The following FAM168B variants were observed in gnomAD, a reference collection of about 807,000 sequenced individuals.
FAM168B encodes the protein family with sequence similarity 168 member B, also known as myelin-associated neurite-outgrowth inhibitor.
Under a neutral mutation model 21.8 loss-of-function variants are expected in FAM168B, and 19 were observed. The ratio of observed to expected loss-of-function variants is 0.87; its 90% CI spans 0.61 to 1.28. The LOEUF (loss-of-function observed/expected upper bound fraction) is 1.28. FAM168B is among the 50% of genes most tolerant of loss of function. The pLI, the probability that FAM168B is intolerant of heterozygous loss-of-function variation, is 0.00. For synonymous variants in FAM168B, 126 were observed against 104.8 expected, an observed-to-expected ratio of 1.20 and a Z score of -1.24; for missense variants, 233 against 263.1, an observed-to-expected ratio of 0.89 and a Z score of 0.79.
rs754426508 is a variant in FAM168B, at chr2:131,052,954, C to T, written c.537G>A (p.Thr179=). The change falls in exon 6 of 7, where the codon ACG becomes ACA. Residue 179 remains threonine (T), a synonymous_variant. Transcript: ENST00000389915. The part of the protein sequence containing the change: ...PVAPHPVTVP[T]YRAPGTPTYS... ...AAGTGGGCGTTCCTGGGGCCCGGTA[C>T]GTGGGCACAGTGACCGGGTGGGGGG... The T allele has an allele frequency of 1.5e-5, 23 of 1,563,332 alleles. No individual in the cohort carries two copies. The highest frequency in any genetic ancestry group is 2.7e-5 in the African/African-American group (2 of 73,694).
intron 1 of FAM168B, among the ~76,000 whole-genome samples, chr2:131,087,063 C>CAAAAAAAAAAAA (rs70994735): frequency 2.5e-5 from 1 of 40,672 alleles, no homozygotes; most frequent in African/African-American, 2.7e-4. Flanking sequence ...GACTCCGTCT[C>CAAAAAAAAAAAA]AAAAAAAAAA....
At chr2:131,070,007 C>T (rs567477752) in intron 3 of FAM168B, among the ~76,000 whole-genome samples, 8 of 151,710 alleles carry the variant, frequency 5.3e-5, no homozygotes, top group Non-Finnish European at 8.8e-5. Context: ...TACCGGAGTG[C>T]GCCTCCAAGC....
chr2:131,048,362 A>G lies in FAM168B; in HGVS notation c.*4103T>C. On this transcript the variant is annotated 3_prime_UTR_variant, in exon 7 of 7. Coordinates refer to ENST00000389915, the MANE Select transcript of FAM168B (RefSeq NM_001009993.4). ...GCACAGCCTGTGGTGAGGAGGAGAC[A>G]CCTGTCATGCCAGTCCTGGGAGCAC... 1 of 1,295,060 alleles carries G rather than the reference A, an allele frequency of 7.7e-7. No individual in the cohort carries two copies. The allele number at this position is 1,295,060 out of a possible 1,614,324, so 80.2% of individuals were successfully genotyped here. A position where few individuals can be genotyped will look rare whatever the true frequency, so the allele number is the denominator to read the frequency against.
In FAM168B at chr2:131,049,119, A is replaced by G. The variant is rs1478680570; in HGVS notation, c.*3346T>C. 2.0e-6 allele frequency: 2 copies of G among 985,352 alleles called. No individual in the cohort carries two copies. Among genetic ancestry groups the G allele is most frequent in the Non-Finnish European group, 2.4e-6 (2 of 829,950 alleles). 61.0% of individuals were successfully genotyped at this position (985,352 alleles called of 1,614,324 possible). The stretch of plus-strand genomic sequence containing the variant: ...CCTTACATACCTTACGGGGGCCAAC[A>G]CTGACAGGTATTAGTACGTCGCAAG... On this transcript the variant is annotated 3_prime_UTR_variant, in exon 7 of 7. Coordinates refer to ENST00000389915, the MANE Select transcript of FAM168B (RefSeq NM_001009993.4).
intron 2 of FAM168B, among the ~76,000 whole-genome samples, chr2:131,076,970 C>T (rs1693188001): frequency 1.3e-5 from 2 of 152,042 alleles, no homozygotes; most frequent in Admixed American, 1.3e-4. Context: ...TCGTCTCACA[C>T]TGCTGATAAG....
intron 2 of FAM168B, 80 bp from the exon 3 acceptor site, chr2:131,072,018 T>G (rs947426021): frequency 7.8e-7 from 1 of 1,282,044 alleles, no homozygotes; most frequent in Non-Finnish European, 1.1e-6. Flanking sequence ...GCCATCGCTC[T>G]TACCTTCTTC....
chr2:131,072,008 G>A (rs1692897840), intron 2 of FAM168B, 70 bp from the exon 3 acceptor site: 2 of 1,383,000 alleles, frequency 1.4e-6, no homozygotes, highest in Non-Finnish European at 2.0e-6. Flanking sequence ...CTCCTGCAAA[G>A]CCATCGCTCT....
At chr2:131,065,263 T>C (rs1692496871) in intron 3 of FAM168B, among the ~76,000 whole-genome samples, 1 of 152,060 alleles carries the variant, frequency 6.6e-6, no homozygotes, top group Non-Finnish European at 1.5e-5. Flanking sequence ...ATGTGGGGGC[T>C]CCCACAAGGG....
At position 131,048,211 on chromosome 2, in the gene FAM168B, T is replaced by TA; in HGVS notation, c.*4253dup. On this transcript the variant is annotated 3_prime_UTR_variant, in exon 7 of 7. Transcript: ENST00000389915. ...AAAAAGGAACCGTTTCTTCTTTAGT[T>TA]ACAATCCATGAGGCTCTCTAGGGCC... The TA allele has an allele frequency of 7.8e-7, 1 of 1,274,182 alleles. No individual in the cohort carries two copies. The highest frequency in any genetic ancestry group is 1.0e-6 in the Non-Finnish European group (1 of 970,128). 78.9% of individuals were successfully genotyped at this position (1,274,182 alleles called of 1,614,324 possible). A position where few individuals can be genotyped will look rare whatever the true frequency, so the allele number is the denominator to read the frequency against.
intron 3 of FAM168B, among the ~76,000 whole-genome samples, chr2:131,064,593 G>T (rs1395743820): frequency 6.6e-6 from 1 of 152,142 alleles, no homozygotes; most frequent in Non-Finnish European, 1.5e-5. Context: ...TGTGCGTGCA[G>T]AATAAAATGT....
chr2:131,049,055 T>C lies in FAM168B; in HGVS notation c.*3410A>G, dbSNP rs981510468. On this transcript the variant is annotated 3_prime_UTR_variant, in exon 7 of 7. Transcript: ENST00000389915. The stretch of plus-strand genomic sequence containing the variant: ...CACCAATACTTACATAACTAGTACA[T>C]GTTGGCCTTTCACCAGCACTCACTG... 3.0e-6 allele frequency: 3 copies of C among 985,324 alleles called. No individual in the cohort carries two copies. The highest frequency in any genetic ancestry group is 6.2e-5 in the Admixed American group (1 of 16,260). 61.0% of individuals were successfully genotyped at this position (985,324 alleles called of 1,614,324 possible).
intron 2 of FAM168B, among the ~76,000 whole-genome samples, chr2:131,073,867 C>T (rs560228985): frequency 4.8e-4 from 73 of 152,334 alleles, no homozygotes; most frequent in African/African-American, 1.6e-3. Flanking sequence ...CTACAGTCCA[C>T]GTGCAAATAA....
intron 3 of FAM168B, among the ~76,000 whole-genome samples, chr2:131,066,684 G>A (rs1349753368): frequency 1.3e-5 from 2 of 152,082 alleles, no homozygotes; most frequent in Non-Finnish European, 2.9e-5. Context: ...GTAGGCTTGG[G>A]GCTGAAATCC....
chr2:131,092,530 A>T (rs1401304247), intron 1 of FAM168B, among the ~76,000 whole-genome samples: 2 of 152,230 alleles, frequency 1.3e-5, no homozygotes, highest in Non-Finnish European at 2.9e-5. Flanking sequence ...TTATTTATAA[A>T]GCTTCCTTGC....
At chr2:131,059,795 A>T (rs1692202191) in intron 3 of FAM168B, among the ~76,000 whole-genome samples, 1 of 152,220 alleles carries the variant, frequency 6.6e-6, no homozygotes. Flanking sequence ...GTGATAAAAA[A>T]AATTTTTAGG....
At chr2:131,054,668 T>C (rs1344304340) in intron 5 of FAM168B, among the ~76,000 whole-genome samples, 1 of 152,114 alleles carries the variant, frequency 6.6e-6, no homozygotes, top group African/African-American at 2.4e-5. Flanking sequence ...GTCATACAGA[T>C]TGGGTGGTCA....
chr2:131,087,223 C>T (rs1693754926), intron 1 of FAM168B, among the ~76,000 whole-genome samples: 1 of 152,078 alleles, frequency 6.6e-6, no homozygotes, highest in Non-Finnish European at 1.5e-5. Flanking sequence ...AATCCCAGTA[C>T]TTTTGGAGGC....
chr2:131,055,765 G>A, intron 3 of FAM168B, 70 bp from the exon 4 acceptor site: 2 of 1,560,814 alleles, frequency 1.3e-6, no homozygotes, highest in Non-Finnish European at 1.7e-6. Flanking sequence ...ACACAGGCAG[G>A]GAGGAGCTAA....
chr2:131,049,740 G>T lies in FAM168B; in HGVS notation c.*2725C>A. The T allele has an allele frequency of 1.0e-6, 1 of 985,842 alleles. No individual in the cohort carries two copies. The allele number at this position is 985,842 out of a possible 1,614,324, so 61.1% of individuals were successfully genotyped here. ...CTTCTAAAAGAATAGTAATTCAGCT[G>T]AAGGACTCCCAAATTAGGAATGTCA... On this transcript the variant is annotated 3_prime_UTR_variant, in exon 7 of 7. Transcript: ENST00000389915.
Sources: gnomAD v4.1 joint callset for allele counts (sites outside exome capture counted in the v4.1 genomes callset) on GRCh38, gnomAD v4.1.1 for gene constraint, MANE v1.5 for transcripts, NCBI Gene and HGNC (gene_info 2026-07-23, HGNC 2026-07-21) for gene names.